CTNNA3: variants seen among roughly 807,000 people sequenced by gnomAD.
CTNNA3 encodes catenin alpha-3.
CTNNA3 carries 76 observed loss-of-function variants against 95.7 expected under a neutral mutation model. The observed-to-expected ratio is 0.79, with a 90% CI of 0.66 to 0.96. CTNNA3 has a LOEUF of 0.96. Ranked by LOEUF, CTNNA3 falls within the 40% of genes least tolerant of loss-of-function variation. The pLI, the probability that CTNNA3 is intolerant of heterozygous loss-of-function variation, is 0.00. For missense variants in CTNNA3, 1,191 were observed against 1,089.8 expected, an observed-to-expected ratio of 1.09 and a Z score of -1.31; for synonymous variants, 431 against 374.4, an observed-to-expected ratio of 1.15 and a Z score of -1.74.
chr10:66,007,181 T>C (rs972045750), intron 15 of CTNNA3, among the ~76,000 whole-genome samples: 1 of 152,242 alleles, frequency 6.6e-6, no homozygotes, highest in African/African-American at 2.4e-5. Context: ...TTTGCTGCTC[T>C]CAATTGATTT....
intron 5 of CTNNA3, among the ~76,000 whole-genome samples, chr10:67,253,152 C>T (rs1322671164): frequency 6.6e-6 from 1 of 152,142 alleles, no homozygotes; most frequent in Admixed American, 6.5e-5. Flanking sequence ...GGATTACTTA[C>T]ACACAAATGC....
intron 11 of CTNNA3, among the ~76,000 whole-genome samples, chr10:66,437,453 T>C (rs191774614): frequency 1.1e-4 from 16 of 152,266 alleles, no homozygotes; most frequent in African/African-American, 3.8e-4. Context: ...CAATCTCTGA[T>C]ATCCTTTCTT....
At chr10:66,460,114 T>G (rs1013525596) in intron 11 of CTNNA3, among the ~76,000 whole-genome samples, 1 of 152,202 alleles carries the variant, frequency 6.6e-6, no homozygotes, top group Non-Finnish European at 1.5e-5. Flanking sequence ...CGTTCTGTAC[T>G]GTTTTCCATA....
chr10:66,284,447 T>G (rs1255324070), intron 12 of CTNNA3, among the ~76,000 whole-genome samples: 2 of 151,884 alleles, frequency 1.3e-5, no homozygotes, highest in Non-Finnish European at 2.9e-5. Flanking sequence ...ATAAGTAAAG[T>G]CCATGGGGTT....
intron 5 of CTNNA3, among the ~76,000 whole-genome samples, chr10:67,322,004 A>C (rs962899627): frequency 6.6e-6 from 1 of 152,142 alleles, no homozygotes; most frequent in Non-Finnish European, 1.5e-5. Context: ...CGCCACACAG[A>C]TCACAAACCT....
At chr10:67,624,907 T>A (rs192419678) in intron 2 of CTNNA3, among the ~76,000 whole-genome samples, 1 of 152,366 alleles carries the variant, frequency 6.6e-6, no homozygotes, top group Non-Finnish European at 1.5e-5. Context: ...ATTTTTGCTA[T>A]GAATATTCAT....
chr10:66,273,049 A>C (rs2091315423), intron 13 of CTNNA3, among the ~76,000 whole-genome samples: 1 of 152,186 alleles, frequency 6.6e-6, no homozygotes, highest in Non-Finnish European at 1.5e-5. Flanking sequence ...ACAACCCTAC[A>C]GATAGAAGAT....
chr10:67,080,767 G>A (rs562335871), intron 7 of CTNNA3, among the ~76,000 whole-genome samples: 8 of 152,064 alleles, frequency 5.3e-5, no homozygotes, highest in South Asian at 4.2e-4. Flanking sequence ...AAATTAGCCC[G>A]GCGTGGTGGC....
At chr10:67,706,660 G>A (rs1402832991) in intron 1 of CTNNA3, among the ~76,000 whole-genome samples, 3 of 152,096 alleles carry the variant, frequency 2.0e-5, no homozygotes, top group African/African-American at 7.2e-5. Flanking sequence ...GGACAAGCAG[G>A]CCTTTAAAGA....
At chr10:66,101,195 C>A (rs2081615803) in intron 14 of CTNNA3, among the ~76,000 whole-genome samples, 1 of 152,134 alleles carries the variant, frequency 6.6e-6, no homozygotes, top group Non-Finnish European at 1.5e-5. Flanking sequence ...ATGATGCCAA[C>A]TAGATTTGAA....
At chr10:66,113,329 T>C (rs908023796) in intron 13 of CTNNA3, among the ~76,000 whole-genome samples, 8 of 152,194 alleles carry the variant, frequency 5.3e-5, no homozygotes, top group African/African-American at 1.4e-4. Flanking sequence ...AGTTATTCTT[T>C]TTTCTTTAAT....
chr10:66,185,614 A>G (rs1029175879), intron 13 of CTNNA3, among the ~76,000 whole-genome samples: 8 of 152,062 alleles, frequency 5.3e-5, no homozygotes, highest in Non-Finnish European at 8.8e-5. Flanking sequence ...AAATTTGTCT[A>G]AAATGTTACC....
intron 13 of CTNNA3, among the ~76,000 whole-genome samples, chr10:66,151,646 A>C (rs908010070): frequency 4.6e-5 from 7 of 151,926 alleles, no homozygotes; most frequent in African/African-American, 1.7e-4. Flanking sequence ...ATAAAAAGAG[A>C]TATACTTGCC....
chr10:66,926,585 T>C, intron 7 of CTNNA3: 1 of 1,614,030 alleles, frequency 6.2e-7, no homozygotes. Context: ...ATACAAAGGA[T>C]GGGTATGTTT....
chr10:66,052,918 G>C (rs1167525331), intron 15 of CTNNA3, among the ~76,000 whole-genome samples: 1 of 151,930 alleles, frequency 6.6e-6, no homozygotes, highest in Non-Finnish European at 1.5e-5. Context: ...AATTTTTTTT[G>C]GAGAGAGACA....
chr10:67,443,479 A>G (rs1846611889), intron 5 of CTNNA3, among the ~76,000 whole-genome samples: 8 of 151,618 alleles, frequency 5.3e-5, no homozygotes, highest in Admixed American at 5.3e-4. Context: ...CTTTTTAATG[A>G]TTGCCGTTCT....
chr10:67,303,180 T>A (rs1041989382), intron 5 of CTNNA3, among the ~76,000 whole-genome samples: 2 of 152,040 alleles, frequency 1.3e-5, no homozygotes, highest in African/African-American at 2.4e-5. Flanking sequence ...CAATCCTAGG[T>A]CCAAAGAGAC....
chr10:65,958,041 C>G (rs1268573429), intron 17 of CTNNA3, among the ~76,000 whole-genome samples: 1 of 152,270 alleles, frequency 6.6e-6, no homozygotes. Context: ...TAGATTTGGT[C>G]TTTTCACATA....
intron 7 of CTNNA3, among the ~76,000 whole-genome samples, chr10:66,945,355 T>C (rs1458317215): frequency 6.6e-6 from 1 of 152,232 alleles, no homozygotes; most frequent in African/African-American, 2.4e-5. Context: ...AGATGGCTTC[T>C]TTCTGTAAAC....
Sources: allele counts gnomAD v4.1 joint callset (sites outside exome capture counted in the v4.1 genomes callset), GRCh38; gene constraint gnomAD v4.1.1; transcripts MANE v1.5; gene names NCBI Gene and HGNC (gene_info 2026-07-23, HGNC 2026-07-21).